SURF6: variants seen among roughly 807,000 people sequenced by gnomAD.
SURF6 encodes the protein surfeit 6.
A neutral mutation model predicts 37.5 loss-of-function variants in SURF6; 28 were observed. That is an observed-to-expected ratio of 0.75 (90% CI 0.55 to 1.02). The LOEUF (loss-of-function observed/expected upper bound fraction) is 1.02, where lower values mean the gene tolerates loss of function less well. SURF6 is among the 50% of genes least tolerant of loss of function. The pLI is 0.00. For synonymous variants in SURF6, 248 were observed against 210.9 expected (o/e 1.18, Z -1.52); for missense variants, 560 against 490.5 (o/e 1.14, Z -1.34).
chr9:133,334,352 C>A, intron 2 of SURF6, 40 bp downstream of exon 2: 1 of 1,555,924 alleles, frequency 6.4e-7, no homozygotes. Context: ...CAGCCCCAGC[C>A]CCGCCCTGCA....
At position 133,332,137 on chromosome 9, in the gene SURF6, A is replaced by T. The variant is rs1835754184; in HGVS notation, c.818T>A (p.Leu273His). 1.9e-6 allele frequency: 3 copies of T among 1,610,666 alleles called. No individual in the cohort carries two copies. In the African/African-American group the frequency reaches 4.0e-5, roughly 22 times the overall value. The change falls in exon 5 of 5, where the codon CTC becomes CAC. Residue 273 changes from leucine (L) to histidine (H), a missense_variant. Leu to His is a moderately conservative substitution (Grantham distance 99, BLOSUM62 -3). Transcript: ENST00000372022. Reference sequence around the variant, plus strand: ...CTTCACGCCCTCCGCCTTGTAGAGGAGGTTGGTCCACTTCATCTTCGCCTC... The same window carrying T: ...CTTCACGCCCTCCGCCTTGTAGAGGTGGTTGGTCCACTTCATCTTCGCCTC... ...ELEAKMKWTN[L>H]LYKAEGVKIR...
Position 133,332,351 on chromosome 9 carries a change from G to T in SURF6, c.607-3C>A. 1 of 1,569,920 alleles carries T rather than the reference G, an allele frequency of 6.4e-7. No individual in the cohort carries two copies. Among genetic ancestry groups the T allele is most frequent in the Non-Finnish European group, 8.6e-7 (1 of 1,160,596 alleles). On this transcript the variant is annotated splice_polypyrimidine_tract_variant and splice_region_variant and intron_variant, in intron 4 of 4. Coordinates refer to ENST00000372022, the MANE Select transcript of SURF6 (RefSeq NM_006753.6). Reference sequence around the variant, plus strand: ...GGCTCGTCTTCGCTCACCTCCACCTGGGAGGAAGGTATGACATCAGCTCAT... The same window carrying T: ...GGCTCGTCTTCGCTCACCTCCACCTTGGAGGAAGGTATGACATCAGCTCAT...
rs1588669509 is a variant in SURF6, at chr9:133,331,625, T to A, written c.*244A>T. 6 of 461,408 alleles carry A rather than the reference T, an allele frequency of 1.3e-5. No homozygotes were observed. The East Asian group carries it at 1.8e-4, about 14-fold the overall frequency. The allele number at this position is 461,408 out of a possible 1,614,324, so 28.6% of individuals were successfully genotyped here. On this transcript the variant is annotated 3_prime_UTR_variant, in exon 5 of 5. Transcript: ENST00000372022. Reference sequence around the variant, plus strand: ...CGGGAAAGCAGACCAGGCCCCAGTCTCCCTCACCCTTTCCCTGGGTCTGAA... The same window carrying A: ...CGGGAAAGCAGACCAGGCCCCAGTCACCCTCACCCTTTCCCTGGGTCTGAA...
At chr9:133,335,229 A>G (rs1835842274) in intron 1 of SURF6, among the ~76,000 whole-genome samples, 1 of 152,108 alleles carries the variant, frequency 6.6e-6, no homozygotes, top group Non-Finnish European at 1.5e-5. Flanking sequence ...AAATTCTGGG[A>G]TTACAGGCAT....
rs12056960 is a variant in SURF6, at chr9:133,329,325, G to C, written c.*2544C>G. The C allele has an allele frequency of 0.067, 11,951 of 179,076 alleles. 533 individuals are homozygous for C. Among genetic ancestry groups the C allele is most frequent in the Non-Finnish European group, 0.1 (8,497 of 84,466 alleles). 11.1% of individuals were successfully genotyped at this position (179,076 alleles called of 1,614,324 possible). ...GACGGTTAGGCCTCCAGATAACTGCGGGCAGGCCTGCCGGATGTCAGGCCC... is the reference window on the plus strand; with the variant it reads ...GACGGTTAGGCCTCCAGATAACTGCCGGCAGGCCTGCCGGATGTCAGGCCC... On this transcript the variant is annotated 3_prime_UTR_variant, in exon 5 of 5. Coordinates refer to ENST00000372022, the MANE Select transcript of SURF6 (RefSeq NM_006753.6).
At chr9:133,333,017 T>C (rs2129922233) in intron 3 of SURF6, 4 of 557,222 alleles carry the variant, frequency 7.2e-6, no homozygotes, top group Non-Finnish European at 9.6e-6. Context: ...ATTACGCACA[T>C]GGTTTCAAAT....
rs1835869230 is a variant in SURF6 at position 133,336,063 on chromosome 9, G to A, written c.70C>T (p.Pro24Ser). The change falls in exon 1 of 5, where the codon CCG becomes TCG. Residue 24 changes from proline to serine, a missense_variant. By Grantham distance (74) the Pro-to-Ser change is moderately conservative. Transcript: ENST00000372022. ...CCCCGCGTGCGCGCCTGCTGTTCCG[G>A]GGCCGAATGGGAGCAGATCTTCTTG... ...LAKKICSHSA[P>S]EQQARTRAGK... 4 of 1,612,362 alleles carry A rather than the reference G, an allele frequency of 2.5e-6. No individual in the cohort carries two copies. Among genetic ancestry groups the A allele is most frequent in the Non-Finnish European group, 2.5e-6 (3 of 1,179,844 alleles).
At chr9:133,333,502 G>T (rs916870399) in intron 3 of SURF6, among the ~76,000 whole-genome samples, 1 of 152,218 alleles carries the variant, frequency 6.6e-6, no homozygotes, top group African/African-American at 2.4e-5. Flanking sequence ...CCCAGTGTCA[G>T]TTCAGCAAAG....
intron 3 of SURF6, among the ~76,000 whole-genome samples, chr9:133,333,305 A>C (rs1002244914): frequency 1.3e-5 from 2 of 152,148 alleles, no homozygotes; most frequent in Non-Finnish European, 2.9e-5. Context: ...ACTGTCCCCC[A>C]CACAGCACGA....
rs1835732991 is a variant in SURF6 at position 133,331,764 on chromosome 9, G to A, written c.*105C>T. ...CACCACTGTGTCCCCCTCACATGGA[G>A]AGGCCGAGGTCTGTGGAGATCCTGG... On this transcript the variant is annotated 3_prime_UTR_variant, in exon 5 of 5. Transcript: ENST00000372022. 1 of 1,400,652 alleles carries A rather than the reference G, an allele frequency of 7.1e-7. No homozygotes were observed. The highest frequency in any genetic ancestry group is 9.3e-7 in the Non-Finnish European group (1 of 1,078,980). The allele number at this position is 1,400,652 out of a possible 1,614,324, so 86.8% of individuals were successfully genotyped here.
chr9:133,329,654 G>A lies in SURF6; in HGVS notation c.*2215C>T, dbSNP rs1028448025. 4 of 152,636 alleles carry A rather than the reference G, an allele frequency of 2.6e-5. No individual in the cohort carries two copies. Among genetic ancestry groups the A allele is most frequent in the African/African-American group, 9.6e-5 (4 of 41,564 alleles). 9.5% of individuals were successfully genotyped at this position (152,636 alleles called of 1,614,324 possible). A position where few individuals can be genotyped will look rare whatever the true frequency, so the allele number is the denominator to read the frequency against. On this transcript the variant is annotated 3_prime_UTR_variant, in exon 5 of 5. Transcript: ENST00000372022. ...TCCTAGGCTATGATTATAGAGCGAG[G>A]ATTATTATAATATTGGAATAAAAGG...
At chr9:133,335,665 C>G (rs1176884721) in intron 1 of SURF6, among the ~76,000 whole-genome samples, 1 of 150,294 alleles carries the variant, frequency 6.7e-6, no homozygotes, top group Non-Finnish European at 1.5e-5. Context: ...CTGAAAGGGT[C>G]TTTTCCCACT....
Position 133,334,592 on chromosome 9 carries a change from G to T in SURF6, c.104C>A (p.Thr35Asn). Residue 35 changes from threonine (T) to asparagine (N), a missense_variant, in exon 2 of 5, where the codon ACT becomes AAT. By Grantham distance (65) the Thr-to-Asn change is moderately conservative (BLOSUM62 0). Transcript: ENST00000372022. ...GGGCCCTGCAGTTTCTGAGCCTTGA[G>T]TTTTGCCAGCTGAAATGCAAAATAA... Reference protein sequence around the residue: ...EQQARTRAGKTQGSETAGPPK... With the variant: ...EQQARTRAGKNQGSETAGPPK... The T allele has an allele frequency of 6.2e-7, 1 of 1,608,894 alleles. No homozygotes were observed.
chr9:133,335,441 G>C (rs587667678), intron 1 of SURF6, among the ~76,000 whole-genome samples: 1 of 152,002 alleles, frequency 6.6e-6, no homozygotes, highest in Non-Finnish European at 1.5e-5. Flanking sequence ...GAATAAAAAG[G>C]AAACCCCGTT....
intron 3 of SURF6, 44 bp from the exon 4 acceptor site, chr9:133,332,804 A>G (rs2129921587): frequency 1.3e-6 from 2 of 1,585,386 alleles, no homozygotes; most frequent in South Asian, 1.1e-5. Context: ...TCTCGATCCC[A>G]GGGTCCCCCA....
chr9:133,331,959 C>A lies in SURF6; in HGVS notation c.996G>T (p.Lys332Asn), dbSNP rs2129913173. ...QDRRRQNLRR[K>N]KAARAERRLL... Reference sequence around the variant, plus strand: ...GGCGGCGCTCGGCGCGGGCCGCCTTCTTCCTGCGCAGGTTCTGCCGCCGCC... The same window carrying A: ...GGCGGCGCTCGGCGCGGGCCGCCTTATTCCTGCGCAGGTTCTGCCGCCGCC... Residue 332 changes from lysine to asparagine, a missense_variant, in exon 5 of 5, where the codon AAG becomes AAT. Lys to Asn is a moderately conservative substitution (Grantham distance 94). Coordinates refer to ENST00000372022, the MANE Select transcript of SURF6 (RefSeq NM_006753.6). 6.0e-5 allele frequency: 96 copies of A among 1,594,646 alleles called. No individual in the cohort carries two copies. Among genetic ancestry groups the A allele is most frequent in the Middle Eastern group, 3.4e-4 (2 of 5,878 alleles).
intron 3 of SURF6, chr9:133,333,011 C>G (rs1045782499): frequency 1.9e-5 from 11 of 567,862 alleles, no homozygotes; most frequent in Middle Eastern, 4.7e-4. Flanking sequence ...GGATACATTA[C>G]GCACATGGTT....
Position 133,331,907 on chromosome 9 carries a change from T to G in SURF6, c.1048A>C (p.Ile350Leu). ...GCGCGCTCCAGGTCCTGCGGCAGGATGCGGCCCTTCTTGCGGGCTCTGAGC... is the reference window on the plus strand; with the variant it reads ...GCGCGCTCCAGGTCCTGCGGCAGGAGGCGGCCCTTCTTGCGGGCTCTGAGC... ...RLLRARKKGR[I>L]LPQDLERAGL... The change falls in exon 5 of 5, where the codon ATC becomes CTC. Residue 350 changes from isoleucine to leucine, a missense_variant. Ile to Leu is a conservative substitution (Grantham distance 5). Transcript: ENST00000372022. 6.5e-7 allele frequency: 1 copy of G among 1,548,308 alleles called. No individual in the cohort carries two copies. The highest frequency in any genetic ancestry group is 8.6e-7 in the Non-Finnish European group (1 of 1,159,186).
intron 2 of SURF6, 57 bp downstream of exon 2, chr9:133,334,335 C>T: frequency 6.6e-7 from 1 of 1,514,584 alleles, no homozygotes; most frequent in Non-Finnish European, 8.9e-7. Context: ...GGGACCAAGC[C>T]CAAGCCCAGC....
Sources: allele counts gnomAD v4.1 joint callset (sites outside exome capture counted in the v4.1 genomes callset), GRCh38; gene constraint gnomAD v4.1.1; transcripts MANE v1.5; gene names NCBI Gene and HGNC (gene_info 2026-07-23, HGNC 2026-07-21).